The following TNNI3K variants were observed in gnomAD, a reference collection of about 807,000 sequenced individuals.
TNNI3K encodes the protein serine/threonine-protein kinase TNNI3K.
Under a neutral mutation model 114.5 loss-of-function variants are expected in TNNI3K, and 140 were observed. The observed-to-expected ratio is 1.22, with a 90% CI of 1.07 to 1.41. The LOEUF is 1.41. Among genes scored for constraint, TNNI3K ranks in the 40% most tolerant of loss-of-function variants. The probability of loss-of-function intolerance (pLI) is 0.00; values close to 1 mark genes in which losing one functional copy is unlikely to be tolerated. For synonymous variants in TNNI3K, 347 were observed against 347.5 expected, an observed-to-expected ratio of 1.00 and a Z score of 0.02; for missense variants, 1,125 against 1,007.6, an observed-to-expected ratio of 1.12 and a Z score of -1.58.
chr1:74,237,174 C>A (rs898928252), intron 2 of TNNI3K, among the ~76,000 whole-genome samples: 11 of 151,882 alleles, frequency 7.2e-5, no homozygotes, highest in Non-Finnish European at 1.5e-4. Context: ...AAGTGTTCAA[C>A]TTATGGTTCA....
intron 5 of TNNI3K, among the ~76,000 whole-genome samples, chr1:74,278,223 G>A (rs1181933260): frequency 1.3e-5 from 2 of 152,060 alleles, no homozygotes; most frequent in Non-Finnish European, 2.9e-5. Context: ...TTGTGAATAG[G>A]CAATAGTCCC....
At chr1:74,235,533 G>T (rs1460675063) in intron 1 of TNNI3K, 42 bp downstream of exon 1, 2 of 1,110,670 alleles carry the variant, frequency 1.8e-6, no homozygotes, top group Non-Finnish European at 2.6e-6. Context: ...GTGTAATATG[G>T]TTCAATTATA....
intron 5 of TNNI3K, among the ~76,000 whole-genome samples, chr1:74,296,495 A>G (rs1321303239): frequency 3.3e-5 from 5 of 151,990 alleles, no homozygotes; most frequent in Non-Finnish European, 5.9e-5. Context: ...ACATATATTT[A>G]CCCTTTCCAT....
chr1:74,250,597 T>A (rs908563325), intron 3 of TNNI3K, 75 bp from the exon 4 acceptor site: 1 of 1,388,584 alleles, frequency 7.2e-7, no homozygotes, highest in Non-Finnish European at 9.8e-7. Context: ...ATGGCATTTA[T>A]CATTAGGTCA....
intron 17 of TNNI3K, among the ~76,000 whole-genome samples, chr1:74,432,914 A>G (rs998731677): frequency 7.2e-5 from 11 of 152,012 alleles, no homozygotes; most frequent in Admixed American, 2.0e-4. Context: ...ATGATACAGG[A>G]CACTGATTTC....
intron 2 of TNNI3K, 53 bp from the exon 3 acceptor site, chr1:74,249,406 G>T: frequency 6.5e-7 from 1 of 1,535,838 alleles, no homozygotes; most frequent in South Asian, 1.2e-5. Context: ...TCAAATGAAA[G>T]ACAATATGCT....
intron 22 of TNNI3K, among the ~76,000 whole-genome samples, chr1:74,491,800 A>T (rs1669091335): frequency 6.6e-6 from 1 of 152,196 alleles, no homozygotes; most frequent in Non-Finnish European, 1.5e-5. Flanking sequence ...TTGATCATTG[A>T]ATAATAACCT....
intron 24 of TNNI3K, among the ~76,000 whole-genome samples, chr1:74,540,521 G>T (rs1646713877): frequency 6.6e-6 from 1 of 151,684 alleles, no homozygotes; most frequent in Non-Finnish European, 1.5e-5. Context: ...ATGTGTGAGT[G>T]TGCATGAGTG....
chr1:74,410,489 A>G (rs1317695149), intron 17 of TNNI3K, among the ~76,000 whole-genome samples: 1 of 152,196 alleles, frequency 6.6e-6, no homozygotes, highest in East Asian at 1.9e-4. Context: ...AAATAAGAAG[A>G]TATTAATTTC....
At chr1:74,443,122 C>G (rs1047946185) in intron 20 of TNNI3K, among the ~76,000 whole-genome samples, 1 of 151,984 alleles carries the variant, frequency 6.6e-6, no homozygotes, top group Non-Finnish European at 1.5e-5. Context: ...CAAGAGAAAA[C>G]AACCACCAAA....
intron 21 of TNNI3K, among the ~76,000 whole-genome samples, chr1:74,473,686 A>T (rs1192975269): frequency 6.6e-6 from 1 of 152,042 alleles, no homozygotes; most frequent in Non-Finnish European, 1.5e-5. Context: ...ATCTAATTCC[A>T]ATCTAAGATC....
chr1:74,312,154 A>G (rs553083612), intron 5 of TNNI3K, among the ~76,000 whole-genome samples: 5 of 152,350 alleles, frequency 3.3e-5, no homozygotes, highest in African/African-American at 9.6e-5. Context: ...AAGCATATGG[A>G]CATGGAAAGA....
rs1654798958 is a variant in TNNI3K at position 74,249,545 on chromosome 1, G to A, written c.235+1G>A. The A allele has an allele frequency of 6.2e-7, 1 of 1,613,102 alleles. No homozygotes were observed. The highest frequency in any genetic ancestry group is 8.5e-7 in the Non-Finnish European group (1 of 1,179,568). On this transcript the variant is annotated splice_donor_variant, in intron 3 of 24. Transcript: ENST00000326637. LOFTEE classifies it high-confidence loss of function. ...CTTCATTTATGTTGCATTTGTGGAG[G>A]TGAGTACTTGAAACTTAGTACTTCT... is the stretch of plus-strand genomic sequence containing the variant.
chr1:74,533,153 C>T (rs183518382), intron 23 of TNNI3K, among the ~76,000 whole-genome samples: 2,788 of 152,124 alleles, frequency 0.018, 96 homozygotes, highest in African/African-American at 0.061. Context: ...AGAAAATTTT[C>T]GCAACCTACT....
chr1:74,248,304 C>G (rs553400496), intron 2 of TNNI3K, among the ~76,000 whole-genome samples: 5 of 152,156 alleles, frequency 3.3e-5, no homozygotes, highest in African/African-American at 1.2e-4. Flanking sequence ...CACACCTCCC[C>G]ACAAGCAGAG....
chr1:74,433,649 T>A (rs950581699), intron 17 of TNNI3K, among the ~76,000 whole-genome samples: 3 of 152,118 alleles, frequency 2.0e-5, no homozygotes, highest in African/African-American at 7.2e-5. Context: ...TGTCCTGTGT[T>A]CCTAAACTGT....
chr1:74,486,339 TG>T (rs1202779435), intron 21 of TNNI3K, among the ~76,000 whole-genome samples: 5 of 152,106 alleles, frequency 3.3e-5, no homozygotes, highest in Admixed American at 3.3e-4. Context: ...ATTTACATTT[TG>T]TCCAGAGTTT....
At chr1:74,543,572 G>A (rs1270122511) in intron 24 of TNNI3K, among the ~76,000 whole-genome samples, 1 of 152,158 alleles carries the variant, frequency 6.6e-6, no homozygotes, top group Non-Finnish European at 1.5e-5. Flanking sequence ...TGGAATCCGT[G>A]CTTAAACCCA....
At chr1:74,368,080 CAAAT>C in intron 13 of TNNI3K, 116 bp downstream of exon 13, 1 of 997,900 alleles carries the variant, frequency 1.0e-6, no homozygotes, top group Non-Finnish European at 1.4e-6. Context: ...ACAAGCACAA[CAAAT>C]ATTATTGACA....
Sources: gnomAD v4.1 joint callset for allele counts (sites outside exome capture counted in the v4.1 genomes callset) on GRCh38, gnomAD v4.1.1 for gene constraint, MANE v1.5 for transcripts, NCBI Gene and HGNC (gene_info 2026-07-23, HGNC 2026-07-21) for gene names.